The following PRELID2 variants were observed in gnomAD, a reference collection of about 807,000 sequenced individuals.
PRELID2 encodes PRELI domain-containing protein 2.
Under a neutral mutation model 28.4 loss-of-function variants are expected in PRELID2, and 25 were observed. The observed-to-expected ratio is 0.88, with a 90% confidence interval of 0.64 to 1.23. PRELID2 has a LOEUF of 1.23. Ranked by LOEUF, PRELID2 falls within the 50% of genes most tolerant of loss-of-function variation. The pLI, the probability that PRELID2 is intolerant of heterozygous loss-of-function variation, is 0.00. For synonymous variants in PRELID2, 76 were observed against 71.6 expected (o/e 1.06, Z -0.31); for missense variants, 201 against 214.4 (o/e 0.94, Z 0.39).
intron 4 of PRELID2, among the ~76,000 whole-genome samples, chr5:145,800,667 GA>G (rs983159481): frequency 1.3e-5 from 2 of 152,102 alleles, no homozygotes; most frequent in Non-Finnish European, 2.9e-5. Flanking sequence ...TAAGTCCTCA[GA>G]AAAGCACTCT....
At chr5:145,298,314 C>T in the PRELID2 span, among the ~76,000 whole-genome samples, 4 of 152,012 alleles carry the variant, frequency 2.6e-5, no homozygotes, top group Non-Finnish European at 2.9e-5. Context: ...GAAATAACGC[C>T]GCATATCTAC....
At chr5:145,379,973 C>T in the PRELID2 span, among the ~76,000 whole-genome samples, 1 of 152,258 alleles carries the variant, frequency 6.6e-6, no homozygotes, top group South Asian at 2.1e-4. Context: ...AGTTCAGGTC[C>T]AACAGTTCCT....
the PRELID2 span, among the ~76,000 whole-genome samples, chr5:145,405,699 GTT>G: frequency 2.2e-5 from 1 of 45,992 alleles, no homozygotes; most frequent in African/African-American, 7.5e-5. Flanking sequence ...GTACCACATA[GTT>G]GTTTTTTTTT....
chr5:145,652,780 C>A (rs1247719077), intron 1 of PRELID2, among the ~76,000 whole-genome samples: 2 of 152,166 alleles, frequency 1.3e-5, no homozygotes, highest in African/African-American at 4.8e-5. Flanking sequence ...CAACCAGTAC[C>A]AGCCACTGCA....
the PRELID2 span, among the ~76,000 whole-genome samples, chr5:145,230,878 A>G: frequency 6.6e-6 from 1 of 152,202 alleles, no homozygotes; most frequent in Non-Finnish European, 1.5e-5. Flanking sequence ...GGCAGGCCGC[A>G]GTTTCTTAAC....
chr5:145,335,195 A>G, the PRELID2 span, among the ~76,000 whole-genome samples: 1 of 151,802 alleles, frequency 6.6e-6, no homozygotes, highest in Non-Finnish European at 1.5e-5. Context: ...GATAATTTCA[A>G]ATGACCTATT....
chr5:145,607,575 T>C lies in PRELID2; in HGVS notation n.71-134260A>G, dbSNP rs2149642382. On this transcript the variant is annotated intron_variant and non_coding_transcript_variant, in intron 1 of 2. Coordinates refer to the PRELID2 transcript ENST00000510259. ...GGTTTTGGGAATTTTTTAGTATCGA[T>C]TTCTATTTTTATTGCACTGTTGTCC... Among the ~76,000 whole-genome samples the C allele has an allele frequency of 2.0e-5, 3 of 152,214 alleles. No individual in the cohort carries two copies. In the South Asian group the frequency reaches 6.2e-4, roughly 32 times the overall value.
chr5:145,778,802 C>T (rs970711501), intron 5 of PRELID2, among the ~76,000 whole-genome samples: 41 of 152,134 alleles, frequency 2.7e-4, no homozygotes, highest in African/African-American at 8.9e-4. Flanking sequence ...CCTGCCAGGC[C>T]GACTGGGTGG....
intron 1 of PRELID2, among the ~76,000 whole-genome samples, chr5:145,571,182 G>A (rs1354823164): frequency 6.6e-6 from 1 of 152,290 alleles, no homozygotes; most frequent in Non-Finnish European, 1.5e-5. Context: ...ACCTATATCT[G>A]TATGGTGCTG....
intron 1 of PRELID2, among the ~76,000 whole-genome samples, chr5:145,729,966 A>G (rs1157172684): frequency 1.3e-5 from 2 of 152,192 alleles, no homozygotes; most frequent in Non-Finnish European, 2.9e-5. Flanking sequence ...TGCATTAAGC[A>G]CAAGATTTAC....
At chr5:145,412,995 A>T in the PRELID2 span, among the ~76,000 whole-genome samples, 1 of 152,124 alleles carries the variant, frequency 6.6e-6, no homozygotes, top group East Asian at 1.9e-4. Context: ...CCATGATTCA[A>T]TTATCTTGAC....
At chr5:145,335,320 C>A in the PRELID2 span, among the ~76,000 whole-genome samples, 1 of 151,876 alleles carries the variant, frequency 6.6e-6, no homozygotes, top group Non-Finnish European at 1.5e-5. Context: ...CCTTTTTAAT[C>A]ATTTATATCT....
the PRELID2 span, among the ~76,000 whole-genome samples, chr5:145,413,114 C>A: frequency 6.6e-6 from 1 of 151,962 alleles, no homozygotes; most frequent in Non-Finnish European, 1.5e-5. Context: ...ATATCCAGAA[C>A]CCACAAAGAA....
At chr5:145,531,062 C>G (rs979609051) in intron 1 of PRELID2, among the ~76,000 whole-genome samples, 1 of 152,154 alleles carries the variant, frequency 6.6e-6, no homozygotes, top group African/African-American at 2.4e-5. Context: ...TTTAATTCTG[C>G]TGTTGTTTGA....
the PRELID2 span, among the ~76,000 whole-genome samples, chr5:145,281,548 A>G: frequency 6.6e-6 from 1 of 152,212 alleles, no homozygotes; most frequent in Non-Finnish European, 1.5e-5. Context: ...CTGGCAGCTT[A>G]TCTGGCTGTA....
chr5:145,410,585 T>C, the PRELID2 span, among the ~76,000 whole-genome samples: 5 of 152,132 alleles, frequency 3.3e-5, no homozygotes, highest in Non-Finnish European at 7.4e-5. Flanking sequence ...TGAGTTCTGA[T>C]TGAAGGAGGA....
chr5:145,647,331 G>A (rs1036301677), intron 1 of PRELID2, among the ~76,000 whole-genome samples: 3 of 152,038 alleles, frequency 2.0e-5, no homozygotes, highest in Non-Finnish European at 2.9e-5. Flanking sequence ...GAGTAAAACC[G>A]CCTACTCAAG....
the PRELID2 span, among the ~76,000 whole-genome samples, chr5:145,453,412 C>T: frequency 6.6e-6 from 1 of 152,140 alleles, no homozygotes; most frequent in Non-Finnish European, 1.5e-5. Context: ...GTTCACTCTA[C>T]TCTCCTGCTT....
At chr5:145,509,582 C>A (rs1055482534) in intron 1 of PRELID2, among the ~76,000 whole-genome samples, 5 of 152,154 alleles carry the variant, frequency 3.3e-5, no homozygotes, top group Non-Finnish European at 7.4e-5. Flanking sequence ...AGGAGTTCTG[C>A]CAGAACCATA....
Sources: gnomAD v4.1 joint callset for allele counts (sites outside exome capture counted in the v4.1 genomes callset) on GRCh38, gnomAD v4.1.1 for gene constraint, MANE v1.5 for transcripts, NCBI Gene and HGNC (gene_info 2026-07-23, HGNC 2026-07-21) for gene names.